Variants in AMPH observed in about 807,000 individuals in gnomAD.
AMPH encodes the protein amphiphysin (Stiff-Mann syndrome with breast cancer 128kD autoantigen).
AMPH carries 49 observed loss-of-function variants against 99.1 expected under a neutral mutation model. The ratio of observed to expected loss-of-function variants is 0.49; its 90% CI spans 0.39 to 0.63. The LOEUF (loss-of-function observed/expected upper bound fraction) is 0.63. Ranked by LOEUF, AMPH falls within the 20% of genes least tolerant of loss-of-function variation. The pLI is 0.00. For missense variants in AMPH, 759 were observed against 863.4 expected, an observed-to-expected ratio of 0.88 and a Z score of 1.52; for synonymous variants, 314 against 317.3, an observed-to-expected ratio of 0.99 and a Z score of 0.11.
At chr7:38,587,949 T>TGTGTGTGTGCGC (rs931620644) in intron 1 of AMPH, among the ~76,000 whole-genome samples, 37 of 146,198 alleles carry the variant, frequency 2.5e-4, no homozygotes, top group African/African-American at 8.1e-4. Flanking sequence ...TGTGTGTGTG[T>TGTGTGTGTGCGC]GCGCGTGTGT....
At chr7:38,385,786 G>A (rs1784334242) in intron 20 of AMPH, among the ~76,000 whole-genome samples, 2 of 152,160 alleles carry the variant, frequency 1.3e-5, no homozygotes, top group Non-Finnish European at 2.9e-5. Context: ...CAGAGGCTGT[G>A]GTCTGCCCTT....
chr7:38,522,241 T>G (rs947995360), intron 2 of AMPH, among the ~76,000 whole-genome samples: 1 of 152,236 alleles, frequency 6.6e-6, no homozygotes, highest in African/African-American at 2.4e-5. Context: ...AATATGGCCA[T>G]ATATTAACTG....
intron 16 of AMPH, among the ~76,000 whole-genome samples, chr7:38,419,566 T>G (rs1044776115): frequency 5.3e-5 from 8 of 152,204 alleles, no homozygotes; most frequent in Non-Finnish European, 1.0e-4. Context: ...CTTTTATTGT[T>G]TGAAAAGAAT....
chr7:38,621,564 C>G (rs1290742379), intron 1 of AMPH, among the ~76,000 whole-genome samples: 1 of 152,010 alleles, frequency 6.6e-6, no homozygotes, highest in Non-Finnish European at 1.5e-5. Context: ...ATGCATGGGT[C>G]TATGCATATT....
At chr7:38,432,247 A>T (rs1679776238) in intron 12 of AMPH, 35 bp from the exon 13 acceptor site, 1 of 1,592,528 alleles carries the variant, frequency 6.3e-7, no homozygotes, top group African/African-American at 1.3e-5. Context: ...TGTTAGTTAT[A>T]CAAATCTAAA....
rs147546478 is a variant in AMPH, at chr7:38,458,804, G to A, written c.1017+2479C>T. Among the ~76,000 whole-genome samples the A allele has an allele frequency of 6.0e-3, 919 of 152,182 alleles. 8 individuals are homozygous for A. Among genetic ancestry groups the A allele is most frequent in the Non-Finnish European group, 9.8e-3 (667 of 67,958 alleles). On this transcript the variant is annotated intron_variant, in intron 11 of 20. Coordinates refer to ENST00000356264, the MANE Select transcript of AMPH (RefSeq NM_001635.4). The stretch of plus-strand genomic sequence containing the variant: ...GCCTTTCTTCTATGAACAAGATAAG[G>A]AACAAGATAAGGATGCCCACTTTCA...
intron 16 of AMPH, 175 bp from the exon 17 acceptor site, chr7:38,418,125 AG>A (rs1211431314): frequency 1.8e-6 from 1 of 567,538 alleles, no homozygotes; most frequent in Non-Finnish European, 2.9e-6. Context: ...AGAATGGAAA[AG>A]ACTAGAAATA....
chr7:38,422,142 G>A (rs1392741302), intron 16 of AMPH, among the ~76,000 whole-genome samples: 2 of 152,192 alleles, frequency 1.3e-5, no homozygotes, highest in Non-Finnish European at 2.9e-5. Context: ...TATTCACATG[G>A]AAATATACAT....
intron 1 of AMPH, among the ~76,000 whole-genome samples, chr7:38,587,683 G>C (rs1792705522): frequency 6.6e-6 from 1 of 152,092 alleles, no homozygotes; most frequent in African/African-American, 2.4e-5. Flanking sequence ...GTACAAGAAG[G>C]TGGTGCAAGA....
intron 11 of AMPH, among the ~76,000 whole-genome samples, chr7:38,437,142 A>G (rs1161790368): frequency 2.0e-5 from 3 of 152,158 alleles, no homozygotes; most frequent in African/African-American, 4.8e-5. Flanking sequence ...AATACTAAAC[A>G]TTATCATTTG....
intron 17 of AMPH, among the ~76,000 whole-genome samples, chr7:38,415,272 C>A (rs536468756): frequency 3.3e-5 from 5 of 152,172 alleles, no homozygotes; most frequent in Non-Finnish European, 5.9e-5. Flanking sequence ...ACAAAAAAAA[C>A]CAGAACAATC....
At chr7:38,393,916 C>A in intron 18 of AMPH, 89 bp downstream of exon 18, 1 of 1,273,988 alleles carries the variant, frequency 7.8e-7, no homozygotes, top group Non-Finnish European at 1.1e-6. Context: ...ATTATACATC[C>A]AAAGAGTTAT....
chr7:38,626,862 G>A (rs1794262917), intron 1 of AMPH, among the ~76,000 whole-genome samples: 1 of 151,028 alleles, frequency 6.6e-6, no homozygotes, highest in Non-Finnish European at 1.5e-5. Flanking sequence ...AGTAGGCGAA[G>A]GATATACAGT....
intron 1 of AMPH, among the ~76,000 whole-genome samples, chr7:38,602,977 G>T (rs75906405): frequency 0.018 from 2,694 of 152,180 alleles, 84 homozygotes; most frequent in African/African-American, 0.061. Context: ...TAAACTAAAA[G>T]GATATGATGT....
At chr7:38,534,230 A>G (rs1287662867) in intron 2 of AMPH, among the ~76,000 whole-genome samples, 1 of 152,188 alleles carries the variant, frequency 6.6e-6, no homozygotes, top group Non-Finnish European at 1.5e-5. Flanking sequence ...GGAAGATATT[A>G]GTATAATCCC....
At chr7:38,456,726 C>A (rs1562767811) in intron 11 of AMPH, among the ~76,000 whole-genome samples, 1 of 152,188 alleles carries the variant, frequency 6.6e-6, no homozygotes, top group Non-Finnish European at 1.5e-5. Flanking sequence ...GAGAACCTGA[C>A]CACACACTCA....
chr7:38,490,691 A>T (rs1249725499), intron 5 of AMPH, among the ~76,000 whole-genome samples: 1 of 152,168 alleles, frequency 6.6e-6, no homozygotes, highest in Non-Finnish European at 1.5e-5. Flanking sequence ...CTTCCTTGTG[A>T]CCACTGGTTA....
chr7:38,615,821 T>G (rs952156585), intron 1 of AMPH, among the ~76,000 whole-genome samples: 49 of 152,264 alleles, frequency 3.2e-4, no homozygotes, highest in African/African-American at 1.1e-3. Context: ...GGTTAGCTAC[T>G]GTAGCAGTGG....
At chr7:38,459,801 G>A (rs912268776) in intron 11 of AMPH, among the ~76,000 whole-genome samples, 15 of 151,906 alleles carry the variant, frequency 9.9e-5, no homozygotes, top group African/African-American at 3.6e-4. Context: ...GCATGGGTAA[G>A]ACCTCAAAAG....
Sources: allele counts gnomAD v4.1 joint callset (sites outside exome capture counted in the v4.1 genomes callset), GRCh38; gene constraint gnomAD v4.1.1; transcripts MANE v1.5; gene names NCBI Gene and HGNC (gene_info 2026-07-23, HGNC 2026-07-21).